ATL2: variants seen among roughly 807,000 people sequenced by gnomAD.
The protein encoded by ATL2 is atlastin GTPase 2.
In ATL2, 31 loss-of-function variants were observed where a neutral mutation model predicts 73.9. The ratio of observed to expected loss-of-function variants is 0.42; its 90% CI spans 0.32 to 0.57. ATL2 has a LOEUF of 0.57. ATL2 is among the 20% of genes least tolerant of loss of function. ATL2 has a pLI of 0.14. For missense variants in ATL2, 738 were observed against 702.6 expected (o/e 1.05, Z -0.57); for synonymous variants, 291 against 237.5 (o/e 1.23, Z -2.07).
intron 1 of ATL2, among the ~76,000 whole-genome samples, chr2:38,366,912 C>T (rs1671361148): frequency 6.6e-6 from 1 of 152,134 alleles, no homozygotes; most frequent in Non-Finnish European, 1.5e-5. Context: ...AGAAAACTAA[C>T]CCCAGCCCCT....
intron 2 of ATL2, among the ~76,000 whole-genome samples, chr2:38,342,990 G>GT (rs1669810775): frequency 1.4e-5 from 2 of 143,982 alleles, no homozygotes; most frequent in African/African-American, 5.1e-5. Context: ...AAAAAAAAAA[G>GT]TTTTTTTAAG....
At chr2:38,348,627 G>C (rs1670161424) in intron 1 of ATL2, among the ~76,000 whole-genome samples, 1 of 149,348 alleles carries the variant, frequency 6.7e-6, no homozygotes, top group Non-Finnish European at 1.5e-5. Flanking sequence ...TGGTTTTTTA[G>C]AAGTTTAAGA....
chr2:38,373,238 G>T (rs1573607623), intron 1 of ATL2, among the ~76,000 whole-genome samples: 1 of 152,244 alleles, frequency 6.6e-6, no homozygotes, highest in South Asian at 2.1e-4. Context: ...CACAATCAGA[G>T]CATCTTTGCA....
intron 1 of ATL2, among the ~76,000 whole-genome samples, chr2:38,365,172 C>CACACACACAAAT (rs1671248707): frequency 2.2e-5 from 3 of 136,596 alleles, no homozygotes; most frequent in African/African-American, 1.1e-4. Flanking sequence ...CACAAATACA[C>CACACACACAAAT]ACACACACAC....
intron 1 of ATL2, chr2:38,376,429 G>C (rs758711140): frequency 2.9e-6 from 1 of 348,498 alleles, no homozygotes; most frequent in Non-Finnish European, 5.1e-6. Flanking sequence ...CCTTACTATC[G>C]TCCAAGTGAC....
chr2:38,344,495 A>G (rs2124413907), intron 1 of ATL2, among the ~76,000 whole-genome samples: 1 of 152,258 alleles, frequency 6.6e-6, no homozygotes, highest in South Asian at 2.1e-4. Flanking sequence ...CTGTAGTCCC[A>G]GCTACTTGGG....
At chr2:38,322,585 T>C (rs1161627885) in intron 2 of ATL2, among the ~76,000 whole-genome samples, 1 of 152,202 alleles carries the variant, frequency 6.6e-6, no homozygotes, top group Non-Finnish European at 1.5e-5. Flanking sequence ...TAGGCTTATA[T>C]GTTTGCCAGC....
chr2:38,352,661 G>A (rs1046583153), intron 1 of ATL2, among the ~76,000 whole-genome samples: 3 of 152,168 alleles, frequency 2.0e-5, no homozygotes, highest in Non-Finnish European at 4.4e-5. Context: ...AGAAACAGAA[G>A]TCAAACATTA....
chr2:38,353,982 CAGG>C (rs1670509032), intron 1 of ATL2: 1 of 239,042 alleles, frequency 4.2e-6, no homozygotes, highest in Admixed American at 5.8e-5. Context: ...CACGAGAGGT[CAGG>C]AGATCGAGAC....
chr2:38,302,357 G>A (rs1667234581), intron 9 of ATL2, among the ~76,000 whole-genome samples: 1 of 152,088 alleles, frequency 6.6e-6, no homozygotes, highest in South Asian at 2.1e-4. Flanking sequence ...AATTTGGGAG[G>A]CCAAGGCAGG....
chr2:38,362,068 T>G lies in ATL2; in HGVS notation c.118+15075A>C, dbSNP rs150127446. Among the ~76,000 whole-genome samples, 336 of 152,318 alleles carry G rather than the reference T, an allele frequency of 2.2e-3. 5 individuals carry two copies. Among genetic ancestry groups the G allele is most frequent in the African/African-American group, 7.9e-3 (327 of 41,568 alleles). On this transcript the variant is annotated intron_variant, in intron 1 of 12. Transcript: ENST00000378954. Reference sequence around the variant, plus strand: ...AGACTCAAATCAGTCCACATAATGATGCTTATCATTTAAAATAAATCCCTA... The same window carrying G: ...AGACTCAAATCAGTCCACATAATGAGGCTTATCATTTAAAATAAATCCCTA...
intron 6 of ATL2, 100 bp downstream of exon 6, chr2:38,314,508 G>A (rs1032810606): frequency 1.5e-5 from 11 of 732,118 alleles, no homozygotes; most frequent in African/African-American, 5.3e-5. Flanking sequence ...TGCTAGCAAT[G>A]AGTCTATTGT....
chr2:38,376,980 G>A (rs984113870), intron 1 of ATL2, among the ~76,000 whole-genome samples, 163 bp downstream of exon 1: 8 of 151,388 alleles, frequency 5.3e-5, no homozygotes, highest in African/African-American at 1.9e-4. Context: ...CGGGAGCGCG[G>A]GGCGCGGCTG....
In ATL2 at chr2:38,343,405, C is replaced by A. The variant is rs765624955; in HGVS notation, c.226G>T (p.Asp76Tyr). Reference protein sequence around the residue: ...AHEDDHNFELDEEALEQILLQ... With the variant: ...AHEDDHNFELYEEALEQILLQ... ...AATATCTGCTCCAAAGCTTCTTCAT[C>A]AAGTTCAAAGTTATGGTCATCTTCA... Residue 76 changes from aspartate (D) to tyrosine (Y), a missense_variant, in exon 2 of 13, where the codon GAT becomes TAT. By Grantham distance (160) the Asp-to-Tyr change is radical (BLOSUM62 -3). Transcript: ENST00000378954. 1 of 1,612,800 alleles carries A rather than the reference C, an allele frequency of 6.2e-7. No homozygotes were observed. The highest frequency in any genetic ancestry group is 1.3e-5 in the African/African-American group (1 of 74,458).
intron 9 of ATL2, among the ~76,000 whole-genome samples, chr2:38,302,392 A>G (rs1360371423): frequency 6.6e-6 from 1 of 152,048 alleles, no homozygotes; most frequent in Non-Finnish European, 1.5e-5. Context: ...GCATCTCTGG[A>G]CCCACCCAAG....
chr2:38,332,866 C>T (rs552113906), intron 2 of ATL2, among the ~76,000 whole-genome samples: 10 of 152,148 alleles, frequency 6.6e-5, no homozygotes, highest in East Asian at 5.8e-4. Context: ...CAAAATGTAT[C>T]CTATTAAAGG....
chr2:38,298,885 G>A (rs969027347), intron 11 of ATL2, among the ~76,000 whole-genome samples: 1 of 152,104 alleles, frequency 6.6e-6, no homozygotes, highest in African/African-American at 2.4e-5. Context: ...GCAAGAGAAC[G>A]GGTAAAAGAT....
At chr2:38,363,544 C>T (rs1174865519) in intron 1 of ATL2, among the ~76,000 whole-genome samples, 1 of 152,152 alleles carries the variant, frequency 6.6e-6, no homozygotes, top group Non-Finnish European at 1.5e-5. Context: ...TATTAAATTG[C>T]ATACCTTTAA....
At position 38,325,661 on chromosome 2, in the gene ATL2, TACACACACACACACACACAC is replaced by T. The variant is rs562138786; in HGVS notation, c.364-6662_364-6643del. Reference sequence around the variant, plus strand: ...ACACACACACACACACACACACCAGTACACACACACACACACACACACACACACACACACCAGTACACACA... The same window carrying T: ...ACACACACACACACACACACACCAGTACACACACACACACCAGTACACACA... On this transcript the variant is annotated intron_variant, in intron 2 of 12. Transcript: ENST00000378954. Among the ~76,000 whole-genome samples the T allele has an allele frequency of 1.5e-3, 62 of 41,694 alleles. 4 individuals carry two copies. The highest frequency in any genetic ancestry group is 3.3e-3 in the African/African-American group (54 of 16,330). The allele number at this position is 41,694 out of a possible 152,430, so 27.4% of individuals were successfully genotyped here. A position where few individuals can be genotyped will look rare whatever the true frequency, so the allele number is the denominator to read the frequency against.
Sources: allele counts gnomAD v4.1 joint callset (sites outside exome capture counted in the v4.1 genomes callset), GRCh38; gene constraint gnomAD v4.1.1; transcripts MANE v1.5; gene names NCBI Gene and HGNC (gene_info 2026-07-23, HGNC 2026-07-21).